Variants in PCDHGB2 observed in about 807,000 individuals in gnomAD.
The protein encoded by PCDHGB2 is protocadherin gamma-B2.
In PCDHGB2, 55 loss-of-function variants were observed where a neutral mutation model predicts 59.3. The observed-to-expected ratio is 0.93, with a 90% CI of 0.75 to 1.16. The LOEUF (loss-of-function observed/expected upper bound fraction) is 1.16. Among genes scored for constraint, PCDHGB2 ranks in the 50% most tolerant of loss-of-function variants. The pLI, the probability that PCDHGB2 is intolerant of heterozygous loss-of-function variation, is 0.00. For synonymous variants in PCDHGB2, 516 were observed against 512.0 expected, an observed-to-expected ratio of 1.01 and a Z score of -0.11; for missense variants, 1,228 against 1,198.5, an observed-to-expected ratio of 1.02 and a Z score of -0.36.
At position 141,485,272 on chromosome 5, in the gene PCDHGB2, C is replaced by T. The variant is rs764196730; in HGVS notation, c.2422-9535C>T. The T allele has an allele frequency of 1.9e-6, 3 of 1,613,948 alleles. No homozygotes were observed. The highest frequency in any genetic ancestry group is 2.7e-5 in the African/African-American group (2 of 74,932). On this transcript the variant is annotated intron_variant, in intron 1 of 3. Transcript: ENST00000522605. The surrounding 1 kb of genome is among the most constrained non-coding windows in gnomAD (Gnocchi z 5.7). ...GTTACGTTTGTGGGCAGATCCGCTACCCGGTCCCAGAGGAGTCACAGGAAG... is the reference window on the plus strand; with the variant it reads ...GTTACGTTTGTGGGCAGATCCGCTATCCGGTCCCAGAGGAGTCACAGGAAG...
At chr5:141,506,306 G>A (rs539365378) in intron 3 of PCDHGB2, among the ~76,000 whole-genome samples, 4 of 152,040 alleles carry the variant, frequency 2.6e-5, no homozygotes, top group Non-Finnish European at 5.9e-5. Flanking sequence ...AAAATTAGCT[G>A]GGCATGGTGG....
chr5:141,362,142 A>G lies in PCDHGB2; in HGVS notation c.2007A>G (p.Gln669=), dbSNP rs536824662. ...ACCTAATCTTCGCGGATAGCCTGCA[A>G]GAGGTATTGCCAGACCTCAGCGACC... The part of the protein sequence containing the change: ...TLHLIFADSL[Q]EVLPDLSDRR... The change falls in exon 1 of 4, where the codon CAA becomes CAG. Residue 669 remains glutamine, a synonymous_variant. Transcript: ENST00000522605. The G allele has an allele frequency of 3.7e-6, 6 of 1,614,046 alleles. No individual in the cohort carries two copies. In the African/African-American group the frequency reaches 8.0e-5, roughly 22 times the overall value.
chr5:141,497,187 G>T (rs1475463841), intron 2 of PCDHGB2, among the ~76,000 whole-genome samples: 2 of 139,586 alleles, frequency 1.4e-5, no homozygotes, highest in Non-Finnish European at 3.0e-5. Flanking sequence ...GTTCTGAGAG[G>T]CAGAGAACAA....
Position 141,431,412 on chromosome 5 carries a change from GC to G in PCDHGB2, c.2422-63394del. ...CTGGTCCTTACGGCCTCCGACGGGG[GC>G]GACCCGGTGCGCACAGGCACCGCGC... On this transcript the variant is annotated intron_variant, in intron 1 of 3. Coordinates refer to ENST00000522605, the MANE Select transcript of PCDHGB2 (RefSeq NM_018923.3). The surrounding 1 kb of genome is among the most constrained non-coding windows in gnomAD (Gnocchi z 4.8). The G allele has an allele frequency of 6.2e-7, 1 of 1,613,714 alleles. No homozygotes were observed. Among genetic ancestry groups the G allele is most frequent in the Non-Finnish European group, 8.5e-7 (1 of 1,180,050 alleles).
chr5:141,411,573 GA>G (rs2095500797), intron 1 of PCDHGB2: 1 of 152,244 alleles, frequency 6.6e-6, no homozygotes, highest in Middle Eastern at 3.4e-3. Flanking sequence ...GACAGAGTGC[GA>G]CCCTGTCTCT....
chr5:141,400,559 C>T (rs2150864766), intron 1 of PCDHGB2: 2 of 1,613,274 alleles, frequency 1.2e-6, no homozygotes, highest in Non-Finnish European at 1.7e-6. Flanking sequence ...TTTTCATTAC[C>T]CACCCAATTT....
intron 1 of PCDHGB2, chr5:141,375,175 A>C (rs1771211157): frequency 6.2e-7 from 1 of 1,614,024 alleles, no homozygotes; most frequent in Non-Finnish European, 8.5e-7. Flanking sequence ...CTCCAGGAAC[A>C]GTAATCGCCC....
At chr5:141,495,652 T>C (rs1403816239) in intron 2 of PCDHGB2, among the ~76,000 whole-genome samples, 2 of 152,336 alleles carry the variant, frequency 1.3e-5, no homozygotes, top group Admixed American at 6.5e-5. Context: ...CTACTTGCAT[T>C]GATCTGTGCC....
At position 141,486,001 on chromosome 5, in the gene PCDHGB2, C is replaced by G. The variant is rs771993915; in HGVS notation, c.2422-8806C>G. 6.2e-7 allele frequency: 1 copy of G among 1,614,194 alleles called. No homozygotes were observed. Among genetic ancestry groups the G allele is most frequent in the Non-Finnish European group, 8.5e-7 (1 of 1,180,024 alleles). On this transcript the variant is annotated intron_variant, in intron 1 of 3. Transcript: ENST00000522605. The surrounding 1 kb of genome is among the most constrained non-coding windows in gnomAD (Gnocchi z 5.0). ...ACCCGGACCTGGGTCCCAGTGGTAACGTCACCTTTTATTTCAGTGGTCATA... is the reference window on the plus strand; with the variant it reads ...ACCCGGACCTGGGTCCCAGTGGTAAGGTCACCTTTTATTTCAGTGGTCATA...
At chr5:141,482,048 G>T (rs375214441) in intron 1 of PCDHGB2, among the ~76,000 whole-genome samples, 12 of 150,156 alleles carry the variant, frequency 8.0e-5, no homozygotes, top group Middle Eastern at 6.9e-3. Flanking sequence ...TCATGCTGTT[G>T]CATTCCAGCC....
chr5:141,509,513 T>C (rs2099877131), intron 3 of PCDHGB2, among the ~76,000 whole-genome samples: 2 of 152,068 alleles, frequency 1.3e-5, no homozygotes, highest in Non-Finnish European at 2.9e-5. Flanking sequence ...ACGGTGTTGA[T>C]GATGTATTGC....
rs564197257 is a variant in PCDHGB2, at chr5:141,458,715, A to G, written c.2422-36092A>G. On this transcript the variant is annotated intron_variant, in intron 1 of 3. Coordinates refer to ENST00000522605, the MANE Select transcript of PCDHGB2 (RefSeq NM_018923.3). ...CTCCCGAGTAGCTGGGATTACAGGT[A>G]TTCGCCACCACATCCAGCTATTGGT... Among the ~76,000 whole-genome samples the G allele has an allele frequency of 3.9e-5, 6 of 152,082 alleles. No homozygotes were observed. The East Asian group carries it at 9.7e-4, about 25-fold the overall frequency.
In PCDHGB2 at chr5:141,394,824, G is replaced by C. The variant is rs200702899; in HGVS notation, c.2421+32268G>C. The C allele has an allele frequency of 8.2e-4, 1,326 of 1,613,856 alleles. 15 individuals are homozygous for C. The highest frequency in any genetic ancestry group is 9.3e-4 in the Admixed American group (56 of 60,030). ...AGCCGTGGCTGACAGCATCCCCGAA[G>C]TCCTGACCGAGTTGGGCAGTCTGAA... On this transcript the variant is annotated intron_variant, in intron 1 of 3. Transcript: ENST00000522605.
intron 1 of PCDHGB2, chr5:141,372,378 C>T: frequency 6.2e-7 from 1 of 1,614,030 alleles, no homozygotes; most frequent in African/African-American, 1.3e-5. Context: ...CATGCTGCAC[C>T]TAATCTTCGC....
chr5:141,410,201 A>G, intron 1 of PCDHGB2: 3 of 1,613,988 alleles, frequency 1.9e-6, no homozygotes, highest in Non-Finnish European at 2.5e-6. Context: ...CTTCGCAGAC[A>G]ACTTGCAAGA....
At chr5:141,421,717 G>T in intron 1 of PCDHGB2, 2 of 1,613,932 alleles carry the variant, frequency 1.2e-6, no homozygotes, top group East Asian at 4.5e-5. Context: ...TCCAGATGTG[G>T]GCGTGAACTC....
At chr5:141,462,043 G>C (rs1310987622) in intron 1 of PCDHGB2, among the ~76,000 whole-genome samples, 1 of 152,100 alleles carries the variant, frequency 6.6e-6, no homozygotes, top group Non-Finnish European at 1.5e-5. Flanking sequence ...GGCGGGTCTT[G>C]AACTCCCGAC....
intron 1 of PCDHGB2, among the ~76,000 whole-genome samples, chr5:141,492,103 T>G (rs1458656062): frequency 6.6e-6 from 1 of 152,134 alleles, no homozygotes; most frequent in Non-Finnish European, 1.5e-5. Flanking sequence ...GTCTGTAGAT[T>G]TCCTCTTCGA....
chr5:141,415,040 C>A (rs772941952), intron 1 of PCDHGB2: 3 of 1,613,520 alleles, frequency 1.9e-6, no homozygotes, highest in Non-Finnish European at 2.5e-6. Flanking sequence ...GGACTCTTCG[C>A]GGTGGGGGAG....
Sources: allele counts gnomAD v4.1 joint callset (sites outside exome capture counted in the v4.1 genomes callset), GRCh38; gene constraint gnomAD v4.1.1; non-coding constraint Gnocchi (gnomAD v3.1); transcripts MANE v1.5; gene names NCBI Gene and HGNC (gene_info 2026-07-23, HGNC 2026-07-21).